FMN2: variants seen among roughly 807,000 people sequenced by gnomAD.
FMN2 encodes the protein formin-2.
In FMN2, 51 loss-of-function variants were observed where a neutral mutation model predicts 142.3. The observed-to-expected ratio is 0.36, with a 90% CI of 0.29 to 0.45. FMN2 has a LOEUF of 0.45. Among genes scored for constraint, FMN2 ranks in the 20% least tolerant of loss-of-function variants. The pLI, the probability that FMN2 is intolerant of heterozygous loss-of-function variation, is 1.00. For missense variants in FMN2, 1,936 were observed against 2,122.8 expected, an observed-to-expected ratio of 0.91 and a Z score of 1.73; for synonymous variants, 882 against 869.8, an observed-to-expected ratio of 1.01 and a Z score of -0.25.
intron 2 of FMN2, among the ~76,000 whole-genome samples, chr1:240,148,690 C>G (rs958761124): frequency 1.3e-5 from 2 of 152,168 alleles, no homozygotes; most frequent in African/African-American, 4.8e-5. Flanking sequence ...AATAAAAACT[C>G]TGTATATTGG....
Position 240,304,793 on chromosome 1 carries a change from G to T in FMN2, c.4215+9910G>T, listed in dbSNP as rs895705455. ...TTTGGCTCCTGCAGGCTGTGTGCAG[G>T]TTGCTCCAGAAGCGCGTGCACAGCT... On this transcript the variant is annotated intron_variant, in intron 8 of 17. Transcript: ENST00000319653. 4.6e-5 allele frequency among the ~76,000 whole-genome samples: 7 copies of T among 152,316 alleles called. No individual in the cohort carries two copies. The East Asian group carries it at 5.8e-4, about 13-fold the overall frequency.
At chr1:240,319,619 G>C (rs547167439) in intron 8 of FMN2, among the ~76,000 whole-genome samples, 222 of 152,306 alleles carry the variant, frequency 1.5e-3, no homozygotes, top group African/African-American at 5.2e-3. Flanking sequence ...CTTGTAGACT[G>C]AAACGATGTC....
intron 14 of FMN2, among the ~76,000 whole-genome samples, chr1:240,369,259 A>G (rs1558457198): frequency 6.6e-6 from 1 of 152,156 alleles, no homozygotes; most frequent in Non-Finnish European, 1.5e-5. Context: ...TGTTAACACA[A>G]TTATTTAGCA....
intron 15 of FMN2, among the ~76,000 whole-genome samples, chr1:240,403,628 C>A (rs1413669411): frequency 6.6e-6 from 1 of 151,902 alleles, no homozygotes; most frequent in Non-Finnish European, 1.5e-5. Context: ...TTTTTTCCTC[C>A]AGGAGCTAAA....
intron 1 of FMN2, among the ~76,000 whole-genome samples, chr1:240,102,309 A>G (rs1203291701): frequency 6.6e-6 from 1 of 152,218 alleles, no homozygotes; most frequent in Non-Finnish European, 1.5e-5. Flanking sequence ...GAACTATTTC[A>G]GGATCCCAAA....
At chr1:240,155,309 C>T (rs1167382912) in intron 2 of FMN2, among the ~76,000 whole-genome samples, 1 of 151,930 alleles carries the variant, frequency 6.6e-6, no homozygotes, top group Non-Finnish European at 1.5e-5. Flanking sequence ...TAACCAATCT[C>T]ATTCTGCTGC....
At chr1:240,419,628 T>G (rs1674697936) in intron 15 of FMN2, among the ~76,000 whole-genome samples, 1 of 152,206 alleles carries the variant, frequency 6.6e-6, no homozygotes, top group Non-Finnish European at 1.5e-5. Context: ...CCTGTGGCCC[T>G]CGAGACATCT....
At chr1:240,264,975 A>C (rs1668752360) in intron 7 of FMN2, among the ~76,000 whole-genome samples, 1 of 152,076 alleles carries the variant, frequency 6.6e-6, no homozygotes, top group African/African-American at 2.4e-5. Flanking sequence ...GAGTCTGCCT[A>C]GTTCTTTATC....
chr1:240,259,053 A>G (rs1201770673), intron 7 of FMN2, among the ~76,000 whole-genome samples: 2 of 152,188 alleles, frequency 1.3e-5, no homozygotes, highest in African/African-American at 2.4e-5. Context: ...GTAACTCTTA[A>G]TCACAATTTA....
At chr1:240,250,563 G>A (rs1300444348) in intron 6 of FMN2, among the ~76,000 whole-genome samples, 1 of 152,014 alleles carries the variant, frequency 6.6e-6, no homozygotes, top group African/African-American at 2.4e-5. Flanking sequence ...TTGTATTCTT[G>A]TCTGGTTTTG....
chr1:240,438,103 T>C lies in FMN2; in HGVS notation c.4953T>C (p.Leu1651=). The change falls in exon 16 of 18, where the codon CTT becomes CTC. Residue 1651 remains leucine (L), a synonymous_variant. Transcript: ENST00000319653. ...CATATTTCTTCATGAAACCAAAACTTGGAGAGAAGGAGGTGTCCCCAAATG... is the reference window on the plus strand; with the variant it reads ...CATATTTCTTCATGAAACCAAAACTCGGAGAGAAGGAGGTGTCCCCAAATG... ...TTAYFFMKPK[L]GEKEVSPNAF... 1 of 1,614,080 alleles carries C rather than the reference T, an allele frequency of 6.2e-7. No homozygotes were observed. The highest frequency in any genetic ancestry group is 1.1e-5 in the South Asian group (1 of 91,056).
At chr1:240,142,336 A>G (rs144266377) in intron 2 of FMN2, among the ~76,000 whole-genome samples, 88 of 152,184 alleles carry the variant, frequency 5.8e-4, no homozygotes, top group African/African-American at 2.0e-3. Context: ...TAATGAACCG[A>G]GCTATTTTGA....
intron 1 of FMN2, among the ~76,000 whole-genome samples, chr1:240,122,685 G>C (rs1662332657): frequency 6.6e-6 from 1 of 152,142 alleles, no homozygotes; most frequent in African/African-American, 2.4e-5. Flanking sequence ...GGGAGGCTGA[G>C]GCAGGAGGAT....
At chr1:240,164,566 TA>T (rs1431687624) in intron 2 of FMN2, among the ~76,000 whole-genome samples, 1 of 152,200 alleles carries the variant, frequency 6.6e-6, no homozygotes, top group Non-Finnish European at 1.5e-5. Flanking sequence ...TTTTTGGTCT[TA>T]AAATAGGTTT....
At chr1:240,334,319 TTTTTTATC>T (rs1671490468) in intron 13 of FMN2, 90 bp downstream of exon 13, 1 of 1,378,358 alleles carries the variant, frequency 7.3e-7, no homozygotes, top group African/African-American at 1.5e-5. Context: ...AAAAGTAATC[TTTTTTATC>T]TTTATAGAAC....
At chr1:240,130,747 G>C (rs563247026) in intron 2 of FMN2, among the ~76,000 whole-genome samples, 1 of 152,016 alleles carries the variant, frequency 6.6e-6, no homozygotes, top group East Asian at 1.9e-4. Context: ...TTCTTTTTTG[G>C]GTGAAGAAAC....
chr1:240,125,920 T>A (rs564772317), intron 2 of FMN2, among the ~76,000 whole-genome samples: 1 of 152,312 alleles, frequency 6.6e-6, no homozygotes, highest in Non-Finnish European at 1.5e-5. Context: ...ATTGGGAATT[T>A]CTTTCCTTCA....
chr1:240,168,753 A>T (rs1664583388), intron 2 of FMN2, among the ~76,000 whole-genome samples: 1 of 152,236 alleles, frequency 6.6e-6, no homozygotes, highest in African/African-American at 2.4e-5. Context: ...AAGAAAAAAC[A>T]ATACTGAAGT....
At chr1:240,425,751 C>T (rs1674920365) in intron 15 of FMN2, among the ~76,000 whole-genome samples, 1 of 152,152 alleles carries the variant, frequency 6.6e-6, no homozygotes, top group Admixed American at 6.5e-5. Context: ...AGCACGTGAA[C>T]CTGAGGGAGA....
Sources: gnomAD v4.1 joint callset for allele counts (sites outside exome capture counted in the v4.1 genomes callset) on GRCh38, gnomAD v4.1.1 for gene constraint, MANE v1.5 for transcripts, NCBI Gene and HGNC (gene_info 2026-07-23, HGNC 2026-07-21) for gene names.